The following SPTAN1 variants were observed in gnomAD, a reference collection of about 807,000 sequenced individuals.
SPTAN1 encodes spectrin alpha, non-erythrocytic 1, also known as spectrin alpha chain, non-erythrocytic 1.
Under a neutral mutation model 331.3 loss-of-function variants are expected in SPTAN1, and 61 were observed. That is an observed-to-expected ratio of 0.18 (90% CI 0.15 to 0.23). The LOEUF (loss-of-function observed/expected upper bound fraction) is 0.23, where lower values mean the gene tolerates loss of function less well. SPTAN1 is among the 10% of genes least tolerant of loss of function. The pLI, the probability that SPTAN1 is intolerant of heterozygous loss-of-function variation, is 1.00. For synonymous variants in SPTAN1, 1,153 were observed against 1,173.9 expected, an observed-to-expected ratio of 0.98 and a Z score of 0.36; for missense variants, 2,043 against 3,147.9, an observed-to-expected ratio of 0.65 and a Z score of 8.40.
intron 10 of SPTAN1, 86 bp downstream of exon 10, chr9:128,579,824 A>G (rs1851725842): frequency 9.1e-7 from 1 of 1,100,164 alleles, no homozygotes; most frequent in Admixed American, 2.0e-5. Flanking sequence ...TTAAATATCC[A>G]GAGAACGCAT....
At chr9:128,554,562 C>G (rs1225071698) in intron 1 of SPTAN1, among the ~76,000 whole-genome samples, 5 of 152,232 alleles carry the variant, frequency 3.3e-5, no homozygotes, top group Non-Finnish European at 7.3e-5. Context: ...TGTCCTGTCA[C>G]TGCTGAATCT....
chr9:128,594,743 A>G (rs1261423537), intron 24 of SPTAN1, among the ~76,000 whole-genome samples: 1 of 134,038 alleles, frequency 7.5e-6, no homozygotes, highest in Non-Finnish European at 1.6e-5. Flanking sequence ...GAGTCTCTTG[A>G]TTTCTGACTG....
At chr9:128,630,475 C>A in intron 52 of SPTAN1, 100 bp downstream of exon 52, 1 of 1,175,152 alleles carries the variant, frequency 8.5e-7, no homozygotes, top group Non-Finnish European at 1.3e-6. Flanking sequence ...ACCAGATGTG[C>A]TATTATTGTA....
chr9:128,620,217 C>T (rs1442161979), intron 44 of SPTAN1, among the ~76,000 whole-genome samples: 1 of 152,202 alleles, frequency 6.6e-6, no homozygotes, highest in Non-Finnish European at 1.5e-5. Flanking sequence ...GACTAAATTC[C>T]TGCCCCCAGA....
rs944302894 is a variant in SPTAN1 at position 128,591,653 on chromosome 9, G to T, written c.3155+28G>T. Reference sequence around the variant, plus strand: ...AAGGATGACACTGGGGGCCGCAAGGGCTAGGCGTCCCATAGGCATACTCTG... The same window carrying T: ...AAGGATGACACTGGGGGCCGCAAGGTCTAGGCGTCCCATAGGCATACTCTG... On this transcript the variant is annotated intron_variant, in intron 22 of 56. Transcript: ENST00000372739. 5 of 1,612,756 alleles carry T rather than the reference G, an allele frequency of 3.1e-6. No homozygotes were observed. The South Asian group carries it at 4.4e-5, about 14-fold the overall frequency.
At chr9:128,593,277 T>C in intron 23 of SPTAN1, 1 of 593,326 alleles carries the variant, frequency 1.7e-6, no homozygotes, top group Non-Finnish European at 3.1e-6. Context: ...TTCAGAGTGG[T>C]GTTGGTTCTC....
At chr9:128,626,173 C>A (rs147626525) in intron 48 of SPTAN1, 195 bp downstream of exon 48, 53 of 872,564 alleles carry the variant, frequency 6.1e-5, no homozygotes, top group Non-Finnish European at 8.5e-5. Context: ...TTCAGAAGCA[C>A]GCAGGACAGA....
Position 128,575,365 on chromosome 9 carries a change from A to G in SPTAN1, c.651+20A>G, listed in dbSNP as rs1254913385. 1.9e-6 allele frequency: 3 copies of G among 1,607,980 alleles called. No homozygotes were observed. The highest frequency in any genetic ancestry group is 2.7e-5 in the African/African-American group (2 of 75,062). On this transcript the variant is annotated intron_variant, in intron 5 of 56. Coordinates refer to ENST00000372739, the MANE Select transcript of SPTAN1 (RefSeq NM_001130438.3). ...ATACAGGTAAATAGCAAAGTGCTGT[A>G]TGCTTCTCACAACATTATTATGTTA...
chr9:128,563,584 T>A (rs1849660817), intron 1 of SPTAN1, among the ~76,000 whole-genome samples: 1 of 152,232 alleles, frequency 6.6e-6, no homozygotes, highest in Non-Finnish European at 1.5e-5. Flanking sequence ...CTGGATAGAA[T>A]TCCAATTTTA....
intron 1 of SPTAN1, among the ~76,000 whole-genome samples, chr9:128,565,200 G>T (rs765627152): frequency 6.6e-6 from 1 of 152,218 alleles, no homozygotes; most frequent in Non-Finnish European, 1.5e-5. Context: ...CTACTCGGGA[G>T]GCTGAGGCAG....
At chr9:128,615,406 C>T (rs1857042688) in intron 40 of SPTAN1, among the ~76,000 whole-genome samples, 3 of 152,130 alleles carry the variant, frequency 2.0e-5, no homozygotes, top group South Asian at 2.1e-4. Context: ...CATGTCCCCT[C>T]CTCCATTGCT....
At chr9:128,632,408 C>G (rs1859904219) in intron 53 of SPTAN1, 23 bp from the exon 54 acceptor site, 2 of 1,614,030 alleles carry the variant, frequency 1.2e-6, no homozygotes, top group Non-Finnish European at 1.7e-6. Flanking sequence ...GGGTCTGTTC[C>G]CTAATTTCTG....
In SPTAN1 at chr9:128,598,947, C is replaced by A; in HGVS notation, c.3520-16C>A. On this transcript the variant is annotated splice_polypyrimidine_tract_variant and intron_variant, in intron 25 of 56. Coordinates refer to ENST00000372739, the MANE Select transcript of SPTAN1 (RefSeq NM_001130438.3). The stretch of plus-strand genomic sequence containing the variant: ...TTTCTTCTAATAATAAAACTGGTTT[C>A]TCTCTCTCCTTGTAGGAAGTGTATG... The A allele has an allele frequency of 6.2e-7, 1 of 1,611,760 alleles. No individual in the cohort carries two copies. Among genetic ancestry groups the A allele is most frequent in the Non-Finnish European group, 8.5e-7 (1 of 1,177,884 alleles).
chr9:128,612,619 C>A (rs1327676259), intron 39 of SPTAN1, among the ~76,000 whole-genome samples: 1 of 152,196 alleles, frequency 6.6e-6, no homozygotes, highest in East Asian at 1.9e-4. Flanking sequence ...TTGGAAAGCA[C>A]AGACTATAAA....
At chr9:128,608,779 G>A in intron 34 of SPTAN1, 95 bp from the exon 35 acceptor site, 1 of 1,215,692 alleles carries the variant, frequency 8.2e-7, no homozygotes, top group Non-Finnish European at 1.2e-6. Flanking sequence ...CTAGTTCTCA[G>A]TCACCCAAAA....
intron 19 of SPTAN1, among the ~76,000 whole-genome samples, chr9:128,586,826 T>TC (rs1403147079): frequency 6.6e-6 from 1 of 151,098 alleles, no homozygotes; most frequent in Non-Finnish European, 1.5e-5. Flanking sequence ...CCTTTTCTTT[T>TC]TTTTTTTCTG....
At position 128,579,411 on chromosome 9, in the gene SPTAN1, C is replaced by G. The variant is rs76220061; in HGVS notation, c.1222-226C>G. 0.02 allele frequency among the ~76,000 whole-genome samples: 3,040 copies of G among 152,278 alleles called. 105 individuals carry two copies. Among genetic ancestry groups the G allele is most frequent in the African/African-American group, 0.069 (2,878 of 41,534 alleles). Reference sequence around the variant, plus strand: ...GAATGTGTGGAACCTTGACAAATGACAGGTGACCTGAAAAGCCATTTGGAA... The same window carrying G: ...GAATGTGTGGAACCTTGACAAATGAGAGGTGACCTGAAAAGCCATTTGGAA... On this transcript the variant is annotated intron_variant, in intron 9 of 56. Transcript: ENST00000372739.
rs766385606 is a variant in SPTAN1 at position 128,608,855 on chromosome 9, T to G, written c.4492-19T>G. On this transcript the variant is annotated intron_variant, in intron 34 of 56. Transcript: ENST00000372739. ...CAGCCACAGGCCCACCTTGATCTCA[T>G]GCCTTTGTTTTCTGACAGGAAGAGA... 2 of 1,612,932 alleles carry G rather than the reference T, an allele frequency of 1.2e-6. No homozygotes were observed. The highest frequency in any genetic ancestry group is 2.2e-5 in the South Asian group (2 of 91,002).
intron 1 of SPTAN1, among the ~76,000 whole-genome samples, chr9:128,561,182 A>G (rs1849294594): frequency 1.3e-5 from 2 of 151,156 alleles, no homozygotes; most frequent in African/African-American, 4.9e-5. Flanking sequence ...CCTGGCCAAC[A>G]TAGTGAAAGC....
Sources: allele counts gnomAD v4.1 joint callset (sites outside exome capture counted in the v4.1 genomes callset), GRCh38; gene constraint gnomAD v4.1.1; transcripts MANE v1.5; gene names NCBI Gene and HGNC (gene_info 2026-07-23, HGNC 2026-07-21).